TRUB1: variants seen among roughly 807,000 people sequenced by gnomAD.
TRUB1 encodes pseudouridylate synthase TRUB1.
TRUB1 carries 23 observed loss-of-function variants against 33.9 expected under a neutral mutation model. The observed-to-expected ratio is 0.68, with a 90% CI of 0.49 to 0.96. The LOEUF is 0.96. Ranked by LOEUF, TRUB1 falls within the 40% of genes least tolerant of loss-of-function variation. The pLI is 0.00. For missense variants in TRUB1, 378 were observed against 422.2 expected (o/e 0.90, Z 0.92); for synonymous variants, 163 against 165.4 (o/e 0.99, Z 0.11).
At position 114,972,141 on chromosome 10, in the gene TRUB1, T is replaced by C. The variant is rs2143031315; in HGVS notation, c.603T>C (p.Ser201=). The change falls in exon 6 of 8, where the codon TCT becomes TCC. Residue 201 remains serine, a synonymous_variant. Transcript: ENST00000298746. ...GNIMQVPPLY[S]ALKKDGQRLS... ...CCTTCTCTCATCTCACAAGCTATTC[T>C]GCATTAAAGAAAGATGGACAAAGAC... 1 of 1,612,910 alleles carries C rather than the reference T, an allele frequency of 6.2e-7. No homozygotes were observed. Among genetic ancestry groups the C allele is most frequent in the Non-Finnish European group, 8.5e-7 (1 of 1,179,602 alleles).
intron 2 of TRUB1, among the ~76,000 whole-genome samples, chr10:114,945,946 T>C (rs991086240): frequency 6.6e-6 from 1 of 152,230 alleles, no homozygotes; most frequent in Non-Finnish European, 1.5e-5. Context: ...TGTTCATATG[T>C]CAGATGTATT....
chr10:114,960,371 G>A (rs1176268113), intron 4 of TRUB1, among the ~76,000 whole-genome samples: 1 of 152,096 alleles, frequency 6.6e-6, no homozygotes, highest in Non-Finnish European at 1.5e-5. Flanking sequence ...TAAATTAAAT[G>A]GTCTCCTAGC....
At position 114,977,406 on chromosome 10, in the gene TRUB1, C is replaced by T. The variant is rs1157901827; in HGVS notation, c.*2027C>T. On this transcript the variant is annotated 3_prime_UTR_variant, in exon 8 of 8. Coordinates refer to ENST00000298746, the MANE Select transcript of TRUB1 (RefSeq NM_139169.5). ...TAGAGTATTTCTCTATTGCTGAATA[C>T]TTAAGTAGTTTTAAATTTTATTATG... 6.6e-6 allele frequency: 1 copy of T among 151,674 alleles called. No homozygotes were observed. The highest frequency in any genetic ancestry group is 6.6e-5 in the Admixed American group (1 of 15,220). The allele number at this position is 151,674 out of a possible 1,614,324, so 9.4% of individuals were successfully genotyped here.
chr10:114,939,466 C>T (rs150792262), intron 1 of TRUB1, among the ~76,000 whole-genome samples: 1,415 of 136,156 alleles, frequency 0.01, 23 homozygotes, highest in African/African-American at 0.041. Flanking sequence ...TGGCCGTATT[C>T]TGTCTCGCCA....
intron 3 of TRUB1, among the ~76,000 whole-genome samples, chr10:114,955,460 T>C (rs921056607): frequency 6.6e-6 from 1 of 152,212 alleles, no homozygotes; most frequent in Non-Finnish European, 1.5e-5. Context: ...CTAACTAGCA[T>C]GTCCAGATAT....
intron 6 of TRUB1, among the ~76,000 whole-genome samples, chr10:114,973,437 C>G (rs374867795): frequency 1.3e-5 from 2 of 152,156 alleles, no homozygotes; most frequent in Non-Finnish European, 2.9e-5. Context: ...ATCCCAGTGC[C>G]CACTTTCAAT....
chr10:114,964,965 C>G (rs2084300834), intron 4 of TRUB1, among the ~76,000 whole-genome samples: 1 of 133,726 alleles, frequency 7.5e-6, no homozygotes, highest in African/African-American at 2.9e-5. Flanking sequence ...GAGTCTTGCT[C>G]TGTCGCCAGG....
chr10:114,950,020 T>C (rs2084227382), intron 2 of TRUB1, among the ~76,000 whole-genome samples: 1 of 149,542 alleles, frequency 6.7e-6, no homozygotes, highest in Non-Finnish European at 1.5e-5. Context: ...TGCCTTAGCC[T>C]CCCAAGTAGC....
chr10:114,971,988 A>AT (rs1269351329), intron 5 of TRUB1, 147 bp from the exon 6 acceptor site: 5 of 898,170 alleles, frequency 5.6e-6, no homozygotes, highest in African/African-American at 1.7e-5. Context: ...AAATTCATTC[A>AT]TTTTTTAGAA....
chr10:114,965,235 G>GT (rs1284019306), intron 4 of TRUB1, among the ~76,000 whole-genome samples: 15 of 151,164 alleles, frequency 9.9e-5, no homozygotes, highest in East Asian at 3.9e-4. Flanking sequence ...AGCCTTACAG[G>GT]TTTTTTTTTA....
At chr10:114,947,475 CAGTG>C (rs1231615958) in intron 2 of TRUB1, among the ~76,000 whole-genome samples, 2 of 152,094 alleles carry the variant, frequency 1.3e-5, no homozygotes, top group Non-Finnish European at 2.9e-5. Flanking sequence ...GTTATAGAAA[CAGTG>C]AGAAAATTTA....
intron 3 of TRUB1, among the ~76,000 whole-genome samples, chr10:114,954,302 A>G (rs1334994028): frequency 6.6e-6 from 1 of 152,204 alleles, no homozygotes; most frequent in Admixed American, 6.5e-5. Flanking sequence ...CTCCCTAGCC[A>G]GTCGTAATTG....
Position 114,938,282 on chromosome 10 carries a change from C to G in TRUB1, c.29C>G (p.Ser10Cys). ...GCCGCTTCTGAGGCGGCGGTGGTGT[C>G]TTCGCCGTCTTTGAAAACAGACACA... Reference protein sequence around the residue: MAASEAAVVSSPSLKTDTSP... With the variant: MAASEAAVVCSPSLKTDTSP... The change falls in exon 1 of 8, where the codon TCT (serine) becomes TGT (cysteine). Residue 10 changes from serine to cysteine, a missense_variant. Coordinates refer to ENST00000298746, the MANE Select transcript of TRUB1 (RefSeq NM_139169.5). 1.2e-6 allele frequency: 2 copies of G among 1,614,192 alleles called. No homozygotes were observed. The highest frequency in any genetic ancestry group is 1.7e-6 in the Non-Finnish European group (2 of 1,180,024).
In TRUB1 at chr10:114,974,312, C is replaced by T. The variant is rs751414915; in HGVS notation, c.737-17C>T. ...ATAGGAGGTTAGCAATTTACTATGT[C>T]ACTGTTAACATTCCAGATGTTGAAT... On this transcript the variant is annotated splice_polypyrimidine_tract_variant and intron_variant, in intron 6 of 7. Coordinates refer to ENST00000298746, the MANE Select transcript of TRUB1 (RefSeq NM_139169.5). 6.2e-7 allele frequency: 1 copy of T among 1,606,610 alleles called. No individual in the cohort carries two copies. The highest frequency in any genetic ancestry group is 8.5e-7 in the Non-Finnish European group (1 of 1,174,274).
intron 6 of TRUB1, among the ~76,000 whole-genome samples, chr10:114,973,634 A>G (rs1409307763): frequency 1.3e-5 from 2 of 152,200 alleles, no homozygotes; most frequent in East Asian, 1.9e-4. Context: ...GCTGATGGAT[A>G]AAAATAATGG....
chr10:114,972,131 C>G lies in TRUB1; in HGVS notation c.597-4C>G. The stretch of plus-strand genomic sequence containing the variant: ...TTCCATTTCTCCTTCTCTCATCTCA[C>G]AAGCTATTCTGCATTAAAGAAAGAT... On this transcript the variant is annotated splice_region_variant and splice_polypyrimidine_tract_variant and intron_variant, in intron 5 of 7. Coordinates refer to ENST00000298746, the MANE Select transcript of TRUB1 (RefSeq NM_139169.5). 2 of 1,612,406 alleles carry G rather than the reference C, an allele frequency of 1.2e-6. No individual in the cohort carries two copies. The highest frequency in any genetic ancestry group is 1.7e-6 in the Non-Finnish European group (2 of 1,179,446).
At chr10:114,969,090 G>A (rs2084323257) in intron 4 of TRUB1, among the ~76,000 whole-genome samples, 1 of 148,618 alleles carries the variant, frequency 6.7e-6, no homozygotes, top group Non-Finnish European at 1.5e-5. Flanking sequence ...ATAGATTTTA[G>A]TTTTTAAAAT....
chr10:114,971,400 C>CT (rs895330267), intron 5 of TRUB1, among the ~76,000 whole-genome samples: 14 of 150,906 alleles, frequency 9.3e-5, no homozygotes, highest in African/African-American at 2.7e-4. Flanking sequence ...AAGTTTCTGA[C>CT]TTTTTTTTTA....
intron 4 of TRUB1, among the ~76,000 whole-genome samples, chr10:114,965,152 A>G (rs1472520932): frequency 1.3e-5 from 2 of 151,810 alleles, no homozygotes; most frequent in East Asian, 1.9e-4. Flanking sequence ...GATGGTCTCA[A>G]TCTCCTGACC....
Sources: allele counts gnomAD v4.1 joint callset (sites outside exome capture counted in the v4.1 genomes callset), GRCh38; gene constraint gnomAD v4.1.1; transcripts MANE v1.5; gene names NCBI Gene and HGNC (gene_info 2026-07-23, HGNC 2026-07-21).